The following WDPCP variants were observed in gnomAD, a reference collection of about 807,000 sequenced individuals.
WDPCP encodes WD repeat-containing and planar cell polarity effector protein fritz homolog.
WDPCP carries 71 observed loss-of-function variants against 93.1 expected under a neutral mutation model. The ratio of observed to expected loss-of-function variants is 0.76; its 90% CI spans 0.63 to 0.93. The LOEUF is 0.93. Among genes scored for constraint, WDPCP ranks in the 40% least tolerant of loss-of-function variants. WDPCP has a pLI of 0.00. For missense variants in WDPCP, 844 were observed against 887.4 expected (o/e 0.95, Z 0.62); for synonymous variants, 315 against 315.0 (o/e 1.00, Z 0.00).
At chr2:63,350,035 C>A (rs1260380682) in intron 12 of WDPCP, among the ~76,000 whole-genome samples, 3 of 152,126 alleles carry the variant, frequency 2.0e-5, no homozygotes, top group Non-Finnish European at 4.4e-5. Flanking sequence ...AGACTTGGAA[C>A]CAACCCAAAT....
At chr2:63,247,562 CA>C (rs1446121615) in intron 14 of WDPCP, among the ~76,000 whole-genome samples, 2 of 150,678 alleles carry the variant, frequency 1.3e-5, no homozygotes, top group East Asian at 2.0e-4. Context: ...ACAAAATTAT[CA>C]AAAATATTAT....
chr2:63,570,810 T>C lies in WDPCP; in HGVS notation c.75+17387A>G, dbSNP rs371046384. 5.9e-5 allele frequency among the ~76,000 whole-genome samples: 9 copies of C among 152,344 alleles called. No individual in the cohort carries two copies. The East Asian group carries it at 7.7e-4, about 13-fold the overall frequency. On this transcript the variant is annotated intron_variant, in intron 1 of 17. Transcript: ENST00000272321. ...TCAGTTTTCATTTTCTGAGGTGGTA[T>C]AATATAGTAGCTTGGAGCATAAACT...
intron 10 of WDPCP, among the ~76,000 whole-genome samples, chr2:63,391,930 G>A (rs1287646889): frequency 6.6e-6 from 1 of 152,156 alleles, no homozygotes; most frequent in Non-Finnish European, 1.5e-5. Context: ...TGGATAGGAA[G>A]AATCAATATC....
intron 7 of WDPCP, among the ~76,000 whole-genome samples, chr2:63,438,541 T>C (rs1199006690): frequency 1.3e-5 from 2 of 152,098 alleles, no homozygotes; most frequent in African/African-American, 4.8e-5. Context: ...AGTATTTTAT[T>C]TGCAGTACCA....
intron 14 of WDPCP, among the ~76,000 whole-genome samples, chr2:63,203,309 A>C (rs1676069948): frequency 6.6e-6 from 1 of 152,182 alleles, no homozygotes; most frequent in Non-Finnish European, 1.5e-5. Context: ...TTTCTATTAC[A>C]AACAATCCAA....
chr2:63,201,213 G>C (rs1328431342), intron 14 of WDPCP, among the ~76,000 whole-genome samples: 1 of 152,128 alleles, frequency 6.6e-6, no homozygotes, highest in Non-Finnish European at 1.5e-5. Context: ...GGACATGCCT[G>C]CTTCCTCTTT....
intron 3 of WDPCP, among the ~76,000 whole-genome samples, chr2:63,613,474 A>T (rs1339340326): frequency 6.6e-6 from 1 of 152,214 alleles, no homozygotes; most frequent in African/African-American, 2.4e-5. Flanking sequence ...CAATCATGGG[A>T]TGGGGGTGGA....
At chr2:63,342,926 A>G (rs1688946917) in intron 12 of WDPCP, among the ~76,000 whole-genome samples, 1 of 145,924 alleles carries the variant, frequency 6.9e-6, no homozygotes, top group African/African-American at 2.5e-5. Flanking sequence ...ACTAGCAAAA[A>G]CTCCCTCATC....
chr2:63,144,452 C>T (rs188182872), intron 17 of WDPCP, among the ~76,000 whole-genome samples: 54 of 152,126 alleles, frequency 3.5e-4, no homozygotes, highest in African/African-American at 1.3e-3. Context: ...GATGGGGTTT[C>T]GCCATGTTGG....
At chr2:63,272,076 C>A (rs539538065) in intron 13 of WDPCP, among the ~76,000 whole-genome samples, 1 of 152,274 alleles carries the variant, frequency 6.6e-6, no homozygotes, top group Non-Finnish European at 1.5e-5. Context: ...CCGCATATGT[C>A]ACCTGGGGGT....
At chr2:63,236,726 G>C (rs1005067307) in intron 14 of WDPCP, among the ~76,000 whole-genome samples, 3 of 152,022 alleles carry the variant, frequency 2.0e-5, no homozygotes, top group Non-Finnish European at 4.4e-5. Context: ...TAAGCAATGG[G>C]GAAAGGACTC....
intron 14 of WDPCP, among the ~76,000 whole-genome samples, chr2:63,225,970 T>C (rs1175880094): frequency 2.0e-5 from 3 of 151,912 alleles, no homozygotes; most frequent in Non-Finnish European, 4.4e-5. Context: ...GCCAATTATA[T>C]GTGTGTGTTC....
At chr2:63,768,457 G>C (rs1270266523) in intron 2 of WDPCP, among the ~76,000 whole-genome samples, 5 of 151,394 alleles carry the variant, frequency 3.3e-5, no homozygotes, top group Non-Finnish European at 7.4e-5. Context: ...GGGTTGCATT[G>C]AATTTATAGA....
chr2:63,259,937 A>G (rs1172619251), intron 13 of WDPCP, among the ~76,000 whole-genome samples: 1 of 152,212 alleles, frequency 6.6e-6, no homozygotes, highest in East Asian at 1.9e-4. Context: ...AGAAAGCTGT[A>G]TGCCCAGTGG....
At chr2:63,379,780 T>A (rs1692148930) in intron 11 of WDPCP, among the ~76,000 whole-genome samples, 1 of 152,136 alleles carries the variant, frequency 6.6e-6, no homozygotes, top group South Asian at 2.1e-4. Context: ...AATTACCACG[T>A]CAAATTTGTT....
upstream of WDPCP, among the ~76,000 whole-genome samples, chr2:63,832,526 GCAAA>G (rs927777280): frequency 2.6e-5 from 4 of 152,158 alleles, no homozygotes; most frequent in South Asian, 2.1e-4. Context: ...GGCCATCTCT[GCAAA>G]CAATCTATTA....
At chr2:63,619,700 A>G (rs1709711497) in intron 3 of WDPCP, among the ~76,000 whole-genome samples, 1 of 152,238 alleles carries the variant, frequency 6.6e-6, no homozygotes, top group Non-Finnish European at 1.5e-5. Flanking sequence ...ACTGGTTCAC[A>G]TAAAAATACA....
chr2:63,835,213 C>A, the WDPCP span, among the ~76,000 whole-genome samples: 1 of 151,404 alleles, frequency 6.6e-6, no homozygotes, highest in South Asian at 2.1e-4. Flanking sequence ...ATGGTGAAAC[C>A]CTGTCTCTAC....
chr2:63,771,698 C>A (rs1376351850), intron 2 of WDPCP, among the ~76,000 whole-genome samples: 2 of 151,998 alleles, frequency 1.3e-5, no homozygotes, highest in Non-Finnish European at 2.9e-5. Flanking sequence ...TGCCCCCTCA[C>A]TCTCCCTGCC....
Sources: allele counts gnomAD v4.1 joint callset (sites outside exome capture counted in the v4.1 genomes callset), GRCh38; gene constraint gnomAD v4.1.1; transcripts MANE v1.5; gene names NCBI Gene and HGNC (gene_info 2026-07-23, HGNC 2026-07-21).